Variants in ARNT2 observed in about 807,000 individuals in gnomAD.
The protein encoded by ARNT2 is aryl hydrocarbon receptor nuclear translocator 2, also known as ARNT protein 2.
Under a neutral mutation model 91.7 loss-of-function variants are expected in ARNT2, and 36 were observed. The observed-to-expected ratio is 0.39, with a 90% confidence interval of 0.30 to 0.52. ARNT2 has a LOEUF of 0.52. Ranked by LOEUF, ARNT2 falls within the 20% of genes least tolerant of loss-of-function variation. The probability of loss-of-function intolerance (pLI) is 0.72; values close to 1 mark genes in which losing one functional copy is unlikely to be tolerated. For synonymous variants in ARNT2, 365 were observed against 347.1 expected (o/e 1.05, Z -0.57); for missense variants, 775 against 939.3 (o/e 0.83, Z 2.29).
chr15:80,410,756 TTATCTATCTATCTATCTATC>T lies in ARNT2; in HGVS notation c.31+6247_31+6266del, dbSNP rs71153533. On this transcript the variant is annotated intron_variant, in intron 1 of 18. Transcript: ENST00000303329. ...TCCAGATCCAGCAATCCATTCATTT[TTATCTATCTATCTATCTATC>T]TATCTATCTATCTATCTATCTATCT... Among the ~76,000 whole-genome samples, 1,090 of 144,148 alleles carry T rather than the reference TTATCTATCTATCTATCTATC, an allele frequency of 7.6e-3. 14 individuals carry two copies. The highest frequency in any genetic ancestry group is 0.016 in the East Asian group (76 of 4,830). 94.6% of individuals were successfully genotyped at this position (144,148 alleles called of 152,430 possible).
chr15:80,487,131 A>G (rs906662097), intron 5 of ARNT2, among the ~76,000 whole-genome samples: 2 of 152,120 alleles, frequency 1.3e-5, no homozygotes, highest in African/African-American at 4.8e-5. Context: ...GAATTCCTCC[A>G]GGCTGCCCCT....
chr15:80,562,079 C>T (rs1596015352), intron 11 of ARNT2, among the ~76,000 whole-genome samples: 1 of 144,664 alleles, frequency 6.9e-6, no homozygotes, highest in African/African-American at 2.5e-5. Flanking sequence ...CTTCTTCCTT[C>T]TTTTTTTTTT....
chr15:80,587,059 T>C (rs1893185900), intron 17 of ARNT2, among the ~76,000 whole-genome samples: 1 of 152,038 alleles, frequency 6.6e-6, no homozygotes, highest in Non-Finnish European at 1.5e-5. Flanking sequence ...TTATGGGGAA[T>C]TATAGACCTC....
At position 80,450,970 on chromosome 15, in the gene ARNT2, C is replaced by A. The variant is rs796082206; in HGVS notation, c.122C>A (p.Ala41Asp). The change falls in exon 2 of 19, where the codon GCC becomes GAC. Residue 41 changes from alanine to aspartate, a missense_variant. Ala to Asp is a moderately radical substitution (Grantham distance 126, BLOSUM62 -2). Around this residue, in one of 5 missense-constraint regions of ARNT2, gnomAD observed 79 missense variants for 83.8 expected, o/e 0.94. Coordinates refer to ENST00000303329, the MANE Select transcript of ARNT2 (RefSeq NM_014862.4). The stretch of plus-strand genomic sequence containing the variant: ...GTGAGGATGGCGGGGGCCATGCCTG[C>A]CCGTGGAGGAAAGCGGCGTTCCGGG... ...GQVRMAGAMPARGGKRRSGMD... is the reference protein window; with the variant it reads ...GQVRMAGAMPDRGGKRRSGMD... 7 of 1,613,858 alleles carry A rather than the reference C, an allele frequency of 4.3e-6. No homozygotes were observed. In the Admixed American group the frequency reaches 1.0e-4, roughly 23 times the overall value.
chr15:80,509,522 G>C (rs1897315174), intron 6 of ARNT2, among the ~76,000 whole-genome samples: 3 of 152,100 alleles, frequency 2.0e-5, no homozygotes, highest in Non-Finnish European at 4.4e-5. Context: ...CATTTTAGTA[G>C]GGGTGATACA....
At chr15:80,491,727 A>G (rs1336991386) in intron 5 of ARNT2, among the ~76,000 whole-genome samples, 1 of 151,844 alleles carries the variant, frequency 6.6e-6, no homozygotes, top group Admixed American at 6.5e-5. Context: ...CAAGAAGAGA[A>G]GAAATTAATA....
chr15:80,581,012 T>C (rs1412030930), intron 16 of ARNT2: 1 of 580,966 alleles, frequency 1.7e-6, no homozygotes, highest in Non-Finnish European at 3.0e-6. Flanking sequence ...CGGATCCTCG[T>C]AGCCCTGGGG....
intron 1 of ARNT2, among the ~76,000 whole-genome samples, chr15:80,446,321 C>T (rs1020076635): frequency 1.3e-5 from 2 of 152,094 alleles, no homozygotes; most frequent in African/African-American, 2.4e-5. Flanking sequence ...TTACAATAAC[C>T]GTGTGATGTA....
At chr15:80,553,802 A>C (rs939127736) in intron 10 of ARNT2, among the ~76,000 whole-genome samples, 1 of 152,228 alleles carries the variant, frequency 6.6e-6, no homozygotes, top group Non-Finnish European at 1.5e-5. Context: ...GAGTATTTTA[A>C]TGATGTGTAT....
intron 8 of ARNT2, among the ~76,000 whole-genome samples, chr15:80,521,638 C>T (rs886683731): frequency 6.6e-6 from 1 of 151,980 alleles, no homozygotes; most frequent in South Asian, 2.1e-4. Context: ...TACTTTAATA[C>T]ACAAGAACAC....
At chr15:80,413,708 G>C (rs944482981) in intron 1 of ARNT2, among the ~76,000 whole-genome samples, 8 of 152,188 alleles carry the variant, frequency 5.3e-5, no homozygotes, top group African/African-American at 1.9e-4. Context: ...CAATGTCCAG[G>C]GTGGGAGCAC....
intron 18 of ARNT2, among the ~76,000 whole-genome samples, chr15:80,592,187 G>A (rs1167187238): frequency 2.0e-5 from 3 of 152,156 alleles, no homozygotes; most frequent in African/African-American, 4.8e-5. Context: ...GAGAGTCCCC[G>A]ATTGAGGATA....
chr15:80,437,404 G>A (rs975964270), intron 1 of ARNT2, among the ~76,000 whole-genome samples: 7 of 152,034 alleles, frequency 4.6e-5, no homozygotes, highest in South Asian at 4.2e-4. Context: ...TCATCTCCCC[G>A]GTTTTTACTC....
chr15:80,546,684 G>T (rs2141453084), intron 8 of ARNT2, among the ~76,000 whole-genome samples: 1 of 152,338 alleles, frequency 6.6e-6, no homozygotes, highest in Middle Eastern at 3.4e-3. Flanking sequence ...AGAGGCAATG[G>T]CTGGGCGCGG....
intron 1 of ARNT2, among the ~76,000 whole-genome samples, chr15:80,428,124 T>G (rs1269864640): frequency 2.6e-5 from 4 of 152,232 alleles, no homozygotes; most frequent in Admixed American, 6.5e-5. Flanking sequence ...GCTGAATGAC[T>G]GAGTGGAAGA....
chr15:80,589,835 T>G (rs1020186939), intron 17 of ARNT2, among the ~76,000 whole-genome samples: 1 of 152,172 alleles, frequency 6.6e-6, no homozygotes, highest in African/African-American at 2.4e-5. Flanking sequence ...GAAAAGACAT[T>G]TCACATAGGC....
chr15:80,533,032 G>T (rs1290587090), intron 8 of ARNT2, among the ~76,000 whole-genome samples: 1 of 152,200 alleles, frequency 6.6e-6, no homozygotes, highest in Non-Finnish European at 1.5e-5. Flanking sequence ...CAGAAGCACT[G>T]TGTGGAGGCA....
intron 15 of ARNT2, among the ~76,000 whole-genome samples, 167 bp downstream of exon 15, chr15:80,577,132 G>A (rs1394125920): frequency 7.2e-5 from 11 of 152,212 alleles, no homozygotes; most frequent in Admixed American, 7.2e-4. Flanking sequence ...TGCTCTGTGA[G>A]CCCTCTATGA....
At chr15:80,570,033 G>C (rs1404640974) in intron 12 of ARNT2, among the ~76,000 whole-genome samples, 1 of 152,236 alleles carries the variant, frequency 6.6e-6, no homozygotes, top group Non-Finnish European at 1.5e-5. Context: ...AGATGCCCAA[G>C]GTACTAGAAT....
Sources: allele counts gnomAD v4.1 joint callset (sites outside exome capture counted in the v4.1 genomes callset), GRCh38; gene constraint gnomAD v4.1.1; regional missense constraint gnomAD v4.1.1; transcripts MANE v1.5; gene names NCBI Gene and HGNC (gene_info 2026-07-23, HGNC 2026-07-21).